The following SRBD1 variants were observed in gnomAD, a reference collection of about 807,000 sequenced individuals.
The protein encoded by SRBD1 is S1 RNA-binding domain-containing protein 1.
Under a neutral mutation model 115.3 loss-of-function variants are expected in SRBD1, and 88 were observed. The ratio of observed to expected loss-of-function variants is 0.76; its 90% confidence interval spans 0.64 to 0.91. The LOEUF (loss-of-function observed/expected upper bound fraction) is 0.91, where lower values mean the gene tolerates loss of function less well. Among genes scored for constraint, SRBD1 ranks in the 40% least tolerant of loss-of-function variants. SRBD1 has a pLI of 0.00. For synonymous variants in SRBD1, 509 were observed against 407.7 expected (o/e 1.25, Z -2.99); for missense variants, 1,385 against 1,177.4 (o/e 1.18, Z -2.58).
intron 19 of SRBD1, among the ~76,000 whole-genome samples, chr2:45,411,960 A>T (rs1357648831): frequency 1.3e-5 from 2 of 152,072 alleles, no homozygotes; most frequent in Non-Finnish European, 2.9e-5. Context: ...AAAATACAAA[A>T]AATTAGCCAG....
intron 16 of SRBD1, among the ~76,000 whole-genome samples, chr2:45,422,443 T>C (rs1328225061): frequency 1.3e-5 from 2 of 152,204 alleles, no homozygotes; most frequent in Admixed American, 1.3e-4. Context: ...TATGATCAAT[T>C]AGTGGATCAT....
chr2:45,422,992 GTTGAC>G (rs1668050925), intron 16 of SRBD1, among the ~76,000 whole-genome samples: 1 of 152,138 alleles, frequency 6.6e-6, no homozygotes, highest in South Asian at 2.1e-4. Flanking sequence ...GAGAGAAAAT[GTTGAC>G]TCCAATCAGT....
chr2:45,511,403 A>T (rs1440464083), intron 14 of SRBD1, among the ~76,000 whole-genome samples: 1 of 152,348 alleles, frequency 6.6e-6, no homozygotes, highest in South Asian at 2.1e-4. Flanking sequence ...TTTATAATTT[A>T]TCCACAGAAG....
At chr2:45,522,098 C>T (rs1671302563) in intron 14 of SRBD1, among the ~76,000 whole-genome samples, 1 of 151,924 alleles carries the variant, frequency 6.6e-6, no homozygotes, top group Non-Finnish European at 1.5e-5. Flanking sequence ...CCCAAGTGTA[C>T]ATCAACAGAC....
At chr2:45,517,494 G>A (rs1378365928) in intron 14 of SRBD1, among the ~76,000 whole-genome samples, 1 of 152,178 alleles carries the variant, frequency 6.6e-6, no homozygotes, top group Admixed American at 6.5e-5. Context: ...TCACGGCAAT[G>A]AAAGACTAAT....
chr2:45,497,839 A>G (rs1274106580), intron 14 of SRBD1, among the ~76,000 whole-genome samples: 1 of 152,114 alleles, frequency 6.6e-6, no homozygotes, highest in South Asian at 2.1e-4. Flanking sequence ...GTTCAAGACC[A>G]GCCTGACCAA....
At chr2:45,522,141 C>T (rs1474622246) in intron 14 of SRBD1, among the ~76,000 whole-genome samples, 2 of 151,982 alleles carry the variant, frequency 1.3e-5, no homozygotes, top group Admixed American at 1.3e-4. Flanking sequence ...ATAGATTGAG[C>T]ATCCCAAATC....
intron 19 of SRBD1, among the ~76,000 whole-genome samples, chr2:45,406,859 G>A (rs1667452266): frequency 6.6e-6 from 1 of 151,936 alleles, no homozygotes; most frequent in Non-Finnish European, 1.5e-5. Context: ...CTCAAAGACA[G>A]CATATTCCAG....
chr2:45,479,893 T>C (rs79016287), intron 15 of SRBD1, among the ~76,000 whole-genome samples: 1 of 152,302 alleles, frequency 6.6e-6, no homozygotes, highest in East Asian at 1.9e-4. Context: ...TAGAGGGGAA[T>C]GCAGCTGGTG....
intron 16 of SRBD1, among the ~76,000 whole-genome samples, chr2:45,467,830 G>C (rs1256252078): frequency 6.6e-6 from 1 of 152,006 alleles, no homozygotes. Context: ...AAACACACAT[G>C]TACACACACA....
intron 3 of SRBD1, 108 bp downstream of exon 3, chr2:45,601,795 G>A: frequency 7.1e-7 from 1 of 1,415,920 alleles, no homozygotes; most frequent in Non-Finnish European, 9.6e-7. Flanking sequence ...TGCCATTGCT[G>A]GCAGTTTTTG....
chr2:45,446,374 G>GA (rs1300205532), intron 16 of SRBD1, among the ~76,000 whole-genome samples: 1 of 152,120 alleles, frequency 6.6e-6, no homozygotes, highest in African/African-American at 2.4e-5. Context: ...GGAGAGCAGG[G>GA]AGTCCCCTAA....
intron 11 of SRBD1, among the ~76,000 whole-genome samples, chr2:45,552,163 T>C (rs1010901604): frequency 6.6e-6 from 1 of 152,180 alleles, no homozygotes; most frequent in African/African-American, 2.4e-5. Flanking sequence ...ACGTAGGCTA[T>C]GCATAGTATA....
rs571000354 is a variant in SRBD1, at chr2:45,442,972, A to G, written c.2050-23078T>C. On this transcript the variant is annotated intron_variant, in intron 16 of 20. Transcript: ENST00000263736. ...ATGGCCACACGTAGTAACAAGCTAC[A>G]GTGCTGAAATTGAAAGGAGGGCAAT... Among the ~76,000 whole-genome samples the G allele has an allele frequency of 2.0e-5, 3 of 152,334 alleles. No homozygotes were observed. In the East Asian group the frequency reaches 5.8e-4, roughly 29 times the overall value.
intron 15 of SRBD1, among the ~76,000 whole-genome samples, chr2:45,481,595 GCCCCAATTTT>G (rs1669965132): frequency 1.3e-5 from 2 of 152,020 alleles, no homozygotes; most frequent in South Asian, 4.1e-4. Flanking sequence ...AGTTACATGT[GCCCCAATTTT>G]TATTCTCAGG....
intron 14 of SRBD1, among the ~76,000 whole-genome samples, chr2:45,499,850 CTA>C (rs202161444): frequency 0.075 from 11,419 of 152,056 alleles, 561 homozygotes; most frequent in Non-Finnish European, 0.11. Flanking sequence ...TTCCATTGGT[CTA>C]TGTGTCTGTT....
At chr2:45,400,905 G>A (rs922529743) in intron 19 of SRBD1, among the ~76,000 whole-genome samples, 1 of 152,158 alleles carries the variant, frequency 6.6e-6, no homozygotes, top group Admixed American at 6.5e-5. Flanking sequence ...TGAGTTAGGG[G>A]AAAGTTATGT....
At position 45,476,217 on chromosome 2, in the gene SRBD1, G is replaced by A. The variant is rs566270671; in HGVS notation, c.2049+776C>T. ...TTGGGTAAATGTCTTAAGTACTCCA[G>A]GACACTGCCTCTTTTTCTATCAAAT... On this transcript the variant is annotated intron_variant, in intron 16 of 20. Coordinates refer to ENST00000263736, the MANE Select transcript of SRBD1 (RefSeq NM_018079.5). 1.4e-3 allele frequency among the ~76,000 whole-genome samples: 217 copies of A among 152,082 alleles called. 1 individual carries two copies. The highest frequency in any genetic ancestry group is 5.1e-3 in the African/African-American group (213 of 41,480).
chr2:45,405,880 G>C (rs1667422598), intron 19 of SRBD1, among the ~76,000 whole-genome samples: 1 of 152,156 alleles, frequency 6.6e-6, no homozygotes, highest in East Asian at 1.9e-4. Context: ...GAGAGGGTAA[G>C]CAATGAAAAG....
Sources: allele counts gnomAD v4.1 joint callset (sites outside exome capture counted in the v4.1 genomes callset), GRCh38; gene constraint gnomAD v4.1.1; transcripts MANE v1.5; gene names NCBI Gene and HGNC (gene_info 2026-07-23, HGNC 2026-07-21).